Variants in SPMIP8 observed in about 807,000 individuals in gnomAD.
The protein encoded by SPMIP8 is testicular tissue protein Li 196.
chr16:57,979,461 T>C, the SPMIP8 span, among the ~76,000 whole-genome samples: 1,322 of 152,362 alleles, frequency 8.7e-3, 11 homozygotes, highest in Non-Finnish European at 0.015. Context: ...GCCAGCCAGG[T>C]CACCAGTTCT....
chr16:57,985,234 G>C, the SPMIP8 span: 1 of 1,554,956 alleles, frequency 6.4e-7, no homozygotes, highest in South Asian at 1.2e-5. Context: ...ACGCGGTGCG[G>C]TACTTGAAGC....
chr16:57,985,663 G>T, the SPMIP8 span: 1 of 1,402,042 alleles, frequency 7.1e-7, no homozygotes, highest in Non-Finnish European at 9.6e-7. Context: ...GGAAAAATTG[G>T]CTCCAATACA....
chr16:57,987,491 A>C, the SPMIP8 span: 1,270,376 of 1,533,550 alleles, frequency 0.83, 530,588 homozygotes, highest in African/African-American at 0.94. Flanking sequence ...CTGGCCAGAC[A>C]GAGGACTTAT....
At chr16:57,987,752 T>A in the SPMIP8 span, 1 of 306,828 alleles carries the variant, frequency 3.3e-6, no homozygotes, top group Non-Finnish European at 6.0e-6. Flanking sequence ...CAGCCAGAAT[T>A]GAGATCCAAG....
the SPMIP8 span, chr16:57,977,773 CATGAGCCCAGG>C: frequency 6.3e-7 from 1 of 1,581,328 alleles, no homozygotes; most frequent in Non-Finnish European, 8.6e-7. Flanking sequence ...GTCTGGCCAG[CATGAGCCCAGG>C]GTGAGCCCCT....
At chr16:57,980,060 T>C in the SPMIP8 span, among the ~76,000 whole-genome samples, 1 of 152,160 alleles carries the variant, frequency 6.6e-6, no homozygotes, top group Non-Finnish European at 1.5e-5. Flanking sequence ...CGAGACTCCA[T>C]CTTCAAAAAA....
the SPMIP8 span, among the ~76,000 whole-genome samples, chr16:57,977,438 GA>G: frequency 1.5e-5 from 2 of 137,812 alleles, no homozygotes; most frequent in East Asian, 2.1e-4. Flanking sequence ...AAGAAAGAAA[GA>G]AAAAAAAACG....
chr16:57,985,471 G>T, the SPMIP8 span: 1 of 1,613,796 alleles, frequency 6.2e-7, no homozygotes, highest in African/African-American at 1.3e-5. Context: ...TATCCCTGCT[G>T]CCCGCCTCAG....
At chr16:57,983,498 G>C in the SPMIP8 span, among the ~76,000 whole-genome samples, 2 of 151,946 alleles carry the variant, frequency 1.3e-5, no homozygotes, top group South Asian at 2.1e-4. Flanking sequence ...CCCATCCCAA[G>C]ATTATAAAAG....
the SPMIP8 span, among the ~76,000 whole-genome samples, chr16:57,981,407 A>ATTATTATTATTATTATTATTATT: frequency 1.8e-5 from 1 of 56,394 alleles, no homozygotes; most frequent in East Asian, 3.5e-4. Context: ...TTATTATTAT[A>ATTATTATTATTATTATTATTATT]ATAATAATTA....
At chr16:57,985,542 TC>T in the SPMIP8 span, 1 of 1,597,050 alleles carries the variant, frequency 6.3e-7, no homozygotes, top group Non-Finnish European at 8.5e-7. Context: ...GCCTTTCGAC[TC>T]CCTGTAAGTG....
the SPMIP8 span, among the ~76,000 whole-genome samples, chr16:57,980,399 C>G: frequency 5.3e-5 from 8 of 152,206 alleles, no homozygotes; most frequent in Non-Finnish European, 8.8e-5. Context: ...CCCTATACGT[C>G]AAAAGTTCTT....
the SPMIP8 span, among the ~76,000 whole-genome samples, chr16:57,983,168 G>T: frequency 6.6e-6 from 1 of 152,126 alleles, no homozygotes; most frequent in African/African-American, 2.4e-5. Context: ...CCAGGCTGGA[G>T]GGCAGTGGCA....
At chr16:57,983,029 C>CA in the SPMIP8 span, among the ~76,000 whole-genome samples, 3 of 151,388 alleles carry the variant, frequency 2.0e-5, no homozygotes, top group African/African-American at 7.3e-5. Context: ...GACTCTGTCT[C>CA]AAAAAAAAAT....
the SPMIP8 span, among the ~76,000 whole-genome samples, chr16:57,981,487 C>T: frequency 7.4e-6 from 1 of 135,040 alleles, no homozygotes; most frequent in Non-Finnish European, 1.6e-5. Flanking sequence ...TGTAATCTCT[C>T]TCTCTCTCTT....
At chr16:57,984,056 A>T in the SPMIP8 span, among the ~76,000 whole-genome samples, 1 of 151,390 alleles carries the variant, frequency 6.6e-6, no homozygotes, top group African/African-American at 2.4e-5. Context: ...GGTGCTCGCC[A>T]CCATGCCTGG....
At chr16:57,984,168 T>C in the SPMIP8 span, 1 of 792,964 alleles carries the variant, frequency 1.3e-6, no homozygotes, top group Non-Finnish European at 2.2e-6. Context: ...CCTCCTGAAG[T>C]GCTGGGATTA....
the SPMIP8 span, chr16:57,977,939 C>T: frequency 1.2e-6 from 2 of 1,614,162 alleles, no homozygotes; most frequent in South Asian, 2.2e-5. Flanking sequence ...AGCAGCAGCT[C>T]TACCACCCAG....
the SPMIP8 span, among the ~76,000 whole-genome samples, chr16:57,981,890 C>T: frequency 6.6e-6 from 1 of 152,128 alleles, no homozygotes; most frequent in East Asian, 1.9e-4. Context: ...CATGTCTGAC[C>T]TCCTGTCCCA....
Sources: gnomAD v4.1 joint callset for allele counts (sites outside exome capture counted in the v4.1 genomes callset) on GRCh38, gnomAD v4.1.1 for gene constraint, MANE v1.5 for transcripts, NCBI Gene and HGNC (gene_info 2026-07-23, HGNC 2026-07-21) for gene names.